Variants in SLC6A5 observed in about 807,000 individuals in gnomAD.
The protein encoded by SLC6A5 is sodium- and chloride-dependent glycine transporter 2.
A neutral mutation model predicts 90.5 loss-of-function variants in SLC6A5; 58 were observed. The ratio of observed to expected loss-of-function variants is 0.64; its 90% confidence interval spans 0.52 to 0.80. The LOEUF is 0.80. SLC6A5 is among the 30% of genes least tolerant of loss of function. The pLI is 0.00. For missense variants in SLC6A5, 1,015 were observed against 1,017.6 expected (o/e 1.00, Z 0.03); for synonymous variants, 427 against 401.4 (o/e 1.06, Z -0.76).
intron 13 of SLC6A5, among the ~76,000 whole-genome samples, chr11:20,641,240 C>A (rs962362527): frequency 1.3e-5 from 2 of 152,090 alleles, no homozygotes; most frequent in Non-Finnish European, 2.9e-5. Flanking sequence ...ACAGCCACTA[C>A]CAAGGTCTCC....
intron 5 of SLC6A5, among the ~76,000 whole-genome samples, chr11:20,610,511 T>C (rs1852674804): frequency 6.6e-6 from 1 of 152,212 alleles, no homozygotes; most frequent in Admixed American, 6.5e-5. Context: ...TTTGCCCTCG[T>C]GTTAGTGATC....
chr11:20,656,962 T>C lies in SLC6A5; in HGVS notation c.*2094T>C, dbSNP rs1403454608. ...ATGAGCCTCTCCAGCTGATACCTGG[T>C]AGAGTGAGAGGAGCCAGGAGGAATA... On this transcript the variant is annotated 3_prime_UTR_variant, in exon 16 of 16. Transcript: ENST00000525748. 6.6e-6 allele frequency: 1 copy of C among 152,148 alleles called. No individual in the cohort carries two copies. Among genetic ancestry groups the C allele is most frequent in the Non-Finnish European group, 1.5e-5 (1 of 68,022 alleles). The allele number at this position is 152,148 out of a possible 1,614,324, so 9.4% of individuals were successfully genotyped here.
intron 12 of SLC6A5, 32 bp downstream of exon 12, chr11:20,637,335 G>A (rs747554809): frequency 1.9e-6 from 3 of 1,596,534 alleles, no homozygotes; most frequent in African/African-American, 1.3e-5. Context: ...GGCTTGGGGT[G>A]GGGGCAGGAG....
At chr11:20,632,366 C>T (rs1199530345) in intron 10 of SLC6A5, among the ~76,000 whole-genome samples, 1 of 152,148 alleles carries the variant, frequency 6.6e-6, no homozygotes, top group Non-Finnish European at 1.5e-5. Flanking sequence ...CTTTTCTGCT[C>T]CAGGAAACGG....
Position 20,636,378 on chromosome 11 carries a change from A to G in SLC6A5, c.1696A>G (p.Ile566Val), listed in dbSNP as rs200003617. 2.1e-5 allele frequency: 34 copies of G among 1,613,840 alleles called. No homozygotes were observed. In the East Asian group the frequency reaches 5.3e-4, roughly 25 times the overall value. Residue 566 changes from isoleucine to valine, a missense_variant, in exon 11 of 16, where the codon ATC becomes GTC. Transcript: ENST00000525748. ...RLPLSPFWAI[I>V]FFLMLLTLGL... ...GCCTCTCTCTCCGTTCTGGGCCATC[A>G]TCTTTTTCCTGATGCTCCTCACTCT... is the stretch of plus-strand genomic sequence containing the variant.
chr11:20,599,865 C>A (rs1466661018), intron 1 of SLC6A5, among the ~76,000 whole-genome samples, 190 bp downstream of exon 1: 1 of 152,134 alleles, frequency 6.6e-6, no homozygotes, highest in Non-Finnish European at 1.5e-5. Flanking sequence ...AAAGAGGTTT[C>A]CTAGGCTGTA....
chr11:20,609,549 G>A (rs1231761825), intron 5 of SLC6A5, among the ~76,000 whole-genome samples: 1 of 152,148 alleles, frequency 6.6e-6, no homozygotes, highest in Non-Finnish European at 1.5e-5. Context: ...TTCCCAAATG[G>A]TCATATTGAG....
chr11:20,628,543 A>G (rs1853046669), intron 9 of SLC6A5, among the ~76,000 whole-genome samples: 1 of 152,202 alleles, frequency 6.6e-6, no homozygotes, highest in South Asian at 2.1e-4. Context: ...TTACCTCTTT[A>G]AAGGCCCTAT....
chr11:20,630,194 G>A (rs921696078), intron 9 of SLC6A5, among the ~76,000 whole-genome samples: 1 of 152,192 alleles, frequency 6.6e-6, no homozygotes, highest in Non-Finnish European at 1.5e-5. Flanking sequence ...AGAATATTCA[G>A]TGTCTGGAGG....
chr11:20,643,078 G>A (rs1346452251), intron 13 of SLC6A5, among the ~76,000 whole-genome samples: 1 of 152,162 alleles, frequency 6.6e-6, no homozygotes, highest in African/African-American at 2.4e-5. Flanking sequence ...GGCTGCTTAT[G>A]TGTATTCCTT....
chr11:20,650,043 C>A (rs1159147518), intron 14 of SLC6A5, among the ~76,000 whole-genome samples: 3 of 152,238 alleles, frequency 2.0e-5, no homozygotes, highest in African/African-American at 2.4e-5. Flanking sequence ...AGATGCCTTA[C>A]ATCCATCTAG....
chr11:20,606,970 G>T (rs1349801214), intron 3 of SLC6A5, 37 bp from the exon 4 acceptor site: 19 of 1,613,574 alleles, frequency 1.2e-5, no homozygotes, highest in Middle Eastern at 3.3e-4. Flanking sequence ...GCCTGCTTTT[G>T]CCTCCTAGGG....
At chr11:20,646,507 C>T (rs1853417680) in intron 13 of SLC6A5, among the ~76,000 whole-genome samples, 1 of 152,196 alleles carries the variant, frequency 6.6e-6, no homozygotes, top group Non-Finnish European at 1.5e-5. Flanking sequence ...CAGAAAACAG[C>T]TGCACATGTG....
At chr11:20,630,857 A>C in intron 10 of SLC6A5, 42 bp downstream of exon 10, 1 of 1,610,874 alleles carries the variant, frequency 6.2e-7, no homozygotes, top group Non-Finnish European at 8.5e-7. Context: ...GGCAGGTCCC[A>C]GGCTCATGTC....
intron 15 of SLC6A5, among the ~76,000 whole-genome samples, chr11:20,653,557 A>C (rs1197167738): frequency 6.6e-6 from 1 of 152,254 alleles, no homozygotes; most frequent in African/African-American, 2.4e-5. Context: ...TGGTACGTGC[A>C]CAACACAAAA....
intron 3 of SLC6A5, 115 bp from the exon 4 acceptor site, chr11:20,606,892 G>A: frequency 7.6e-7 from 1 of 1,321,606 alleles, no homozygotes; most frequent in Non-Finnish European, 1.1e-6. Context: ...CAGGAATGGA[G>A]CTAAATTGTC....
At chr11:20,639,882 A>G (rs1043193036) in intron 13 of SLC6A5, among the ~76,000 whole-genome samples, 1 of 152,228 alleles carries the variant, frequency 6.6e-6, no homozygotes, top group African/African-American at 2.4e-5. Flanking sequence ...GTGGGCAGGC[A>G]TGCCAGCTGT....
Position 20,637,297 on chromosome 11 carries a change from C to T in SLC6A5, c.1863C>T (p.Ile621=), listed in dbSNP as rs147344601. 5.0e-4 allele frequency: 809 copies of T among 1,610,622 alleles called. 2 individuals carry two copies. The highest frequency in any genetic ancestry group is 6.7e-4 in the Non-Finnish European group (784 of 1,177,770). The change falls in exon 12 of 16, where the codon ATC becomes ATT. Residue 621 remains isoleucine (I), a synonymous_variant. Transcript: ENST00000525748. ...ICFFIMGFPM[I]TQGGIYMFQL... ...TCTTCATCATGGGTTTTCCAATGAT[C>T]ACTCAGGTAAGCTGCCTCCTAGGCA...
chr11:20,611,030 A>G (rs935572084), intron 5 of SLC6A5, among the ~76,000 whole-genome samples: 2 of 152,214 alleles, frequency 1.3e-5, no homozygotes, highest in African/African-American at 4.8e-5. Flanking sequence ...AAATTGAGTA[A>G]CACTACGTAC....
Sources: allele counts gnomAD v4.1 joint callset (sites outside exome capture counted in the v4.1 genomes callset), GRCh38; gene constraint gnomAD v4.1.1; transcripts MANE v1.5; gene names NCBI Gene and HGNC (gene_info 2026-07-23, HGNC 2026-07-21).